TTN: variants seen among roughly 807,000 people sequenced by gnomAD.
TTN encodes the protein titin, also known as connectin.
A neutral mutation model predicts 3,223.0 loss-of-function variants in TTN; 1,525 were observed. The ratio of observed to expected loss-of-function variants is 0.47; its 90% CI spans 0.45 to 0.49. The LOEUF is 0.49. Among genes scored for constraint, TTN ranks in the 20% least tolerant of loss-of-function variants. The pLI is 0.00. For synonymous variants in TTN, 14,094 were observed against 15,161.0 expected (o/e 0.93, Z 5.17); for missense variants, 40,786 against 43,424.0 (o/e 0.94, Z 5.40).
In TTN at chr2:178,718,971, G is replaced by T. The variant is rs758548104; in HGVS notation, c.24229C>A (p.Pro8077Thr). ...ECSAVLTVQE[P>T]PSFEQTPDSV... ...TCAGGGGTTTGTTCAAAAGATGGTGGTTCTAGATATTGCAAGGCGGAAGGG... is the reference window on the plus strand; with the variant it reads ...TCAGGGGTTTGTTCAAAAGATGGTGTTTCTAGATATTGCAAGGCGGAAGGG... The change falls in exon 84 of 363, where the codon CCA becomes ACA. Residue 8077 changes from proline to threonine, a missense_variant and splice_region_variant. By Grantham distance (38) the Pro-to-Thr change is conservative. Coordinates refer to ENST00000589042, the MANE Select transcript of TTN (RefSeq NM_001267550.2). 1.3e-6 allele frequency: 2 copies of T among 1,596,014 alleles called. No individual in the cohort carries two copies. The highest frequency in any genetic ancestry group is 1.7e-6 in the Non-Finnish European group (2 of 1,171,026).
chr2:178,614,437 T>C, intron 261 of TTN, 29 bp downstream of exon 261: 2 of 1,584,602 alleles, frequency 1.3e-6, no homozygotes, highest in Admixed American at 3.9e-5. Context: ...AAAGAGTTTA[T>C]CCCCTTTTAA....
chr2:178,731,430 GTCAT>G lies in TTN; in HGVS notation c.17332_17335del (p.Met5778ProfsTer41). 1 of 1,613,712 alleles carries G rather than the reference GTCAT, an allele frequency of 6.2e-7. No individual in the cohort carries two copies. Among genetic ancestry groups the G allele is most frequent in the Non-Finnish European group, 8.5e-7 (1 of 1,179,784 alleles). Reference sequence around the variant, plus strand: ...CAAACTGGCCACATTGTTCTCAAAGGTCATTCTTATATTATCGTCTTCAGTGATT... The same window carrying G: ...CAAACTGGCCACATTGTTCTCAAAGGTCTTATATTATCGTCTTCAGTGATT... On this transcript the variant is annotated frameshift_variant, in exon 59 of 363. Coordinates refer to ENST00000589042, the MANE Select transcript of TTN (RefSeq NM_001267550.2). LOFTEE classifies it high-confidence loss of function.
chr2:178,647,298 A>T, intron 214 of TTN, 83 bp downstream of exon 214: 13 of 1,452,774 alleles, frequency 8.9e-6, no homozygotes, highest in Non-Finnish European at 1.2e-5. Context: ...ACAGACAGAC[A>T]AATACGTAAG....
rs773276464 is a variant in TTN, at chr2:178,741,151, C to G, written c.12082G>C (p.Val4028Leu). 7.4e-6 allele frequency: 12 copies of G among 1,613,504 alleles called. No homozygotes were observed. The highest frequency in any genetic ancestry group is 9.3e-6 in the Non-Finnish European group (11 of 1,179,832). Residue 4028 changes from valine (V) to leucine (L), a missense_variant, in exon 48 of 363, where the codon GTG becomes CTG. By Grantham distance (32) the Val-to-Leu change is conservative. Coordinates refer to ENST00000589042, the MANE Select transcript of TTN (RefSeq NM_001267550.2). ...GESTCAAELL[V>L]LLEDTDMTDT... ...GTCATGTCTGTGTCTTCCAGAAGCA[C>G]AAGCAGCTCTGCTGCACAGGTGGAC... is the stretch of plus-strand genomic sequence containing the variant.
At chr2:178,769,102 A>G (rs753363890) in intron 37 of TTN, among the ~76,000 whole-genome samples, 169 bp from the exon 38 acceptor site, 8 of 151,986 alleles carry the variant, frequency 5.3e-5, no homozygotes, top group Non-Finnish European at 1.2e-4. Context: ...GGACAGTGCC[A>G]ACTCACAGAG....
Position 178,758,738 on chromosome 2 carries a change from C to A in TTN, c.10303+246G>T. The stretch of plus-strand genomic sequence containing the variant: ...TAGGAAGCATGACAGCTGGTGACAG[C>A]AGCAATACATTACAAATTGTTACAG... On this transcript the variant is annotated intron_variant, in intron 44 of 362. Transcript: ENST00000589042. 7.5e-6 allele frequency: 4 copies of A among 534,574 alleles called. No individual in the cohort carries two copies. In the South Asian group the frequency reaches 8.2e-5, roughly 11 times the overall value. The allele number at this position is 534,574 out of a possible 1,614,324, so 33.1% of individuals were successfully genotyped here.
intron 20 of TTN, among the ~76,000 whole-genome samples, chr2:178,781,905 A>AGTGT (rs139001573): frequency 0.12 from 17,313 of 149,664 alleles, 1,443 homozygotes; most frequent in East Asian, 0.29. Flanking sequence ...CTTTTCTGGA[A>AGTGT]GTGTGTGTGT....
At chr2:178,751,252 C>A (rs755649008) in intron 47 of TTN, 1 of 1,608,200 alleles carries the variant, frequency 6.2e-7, no homozygotes, top group Non-Finnish European at 8.5e-7. Context: ...GAGATAATTT[C>A]TTTTTCTCCA....
Position 178,564,350 on chromosome 2 carries a change from C to G in TTN, c.81782G>C (p.Ser27261Thr), listed in dbSNP as rs1704859697. 1.2e-6 allele frequency: 2 copies of G among 1,613,590 alleles called. No individual in the cohort carries two copies. Among genetic ancestry groups the G allele is most frequent in the African/African-American group, 2.7e-5 (2 of 74,904 alleles). ...AGNFSEPSDSSGAITARDEID... is the reference protein window; with the variant it reads ...AGNFSEPSDSTGAITARDEID... ...TTCATCTCTTGCAGTAATGGCACCA[C>G]TACTATCAGATGGTTCACTAAAGTT... is the stretch of plus-strand genomic sequence containing the variant. The change falls in exon 326 of 363, where the codon AGT (serine) becomes ACT (threonine). Residue 27261 changes from serine to threonine, a missense_variant. Transcript: ENST00000589042.
At chr2:178,652,774 G>T (rs1489648443) in intron 200 of TTN, 38 bp from the exon 201 acceptor site, 1 of 1,606,100 alleles carries the variant, frequency 6.2e-7, no homozygotes, top group Non-Finnish European at 8.5e-7. Context: ...TAGGGGTTAT[G>T]AAGACCACTA....
intron 21 of TTN, among the ~76,000 whole-genome samples, chr2:178,780,652 A>G (rs138853986): frequency 2.0e-5 from 3 of 152,348 alleles, no homozygotes; most frequent in Non-Finnish European, 4.4e-5. Context: ...ATTTGTTTTC[A>G]AGTTATAAAC....
In TTN at chr2:178,729,308, C is replaced by T. The variant is rs1283369258; in HGVS notation, c.18848G>A (p.Ser6283Asn). ...VSNEGGSCSCSTRVALKEPPS... is the reference protein window; with the variant it reads ...VSNEGGSCSCNTRVALKEPPS... ...CTGACCTTTCAGGGCAACTCTAGTA[C>T]TGCATGAGCAGCTGCCGCCTTCATT... The change falls in exon 64 of 363, where the codon AGT (serine) becomes AAT (asparagine). Residue 6283 changes from serine (S) to asparagine (N), a missense_variant. By Grantham distance (46) the Ser-to-Asn change is conservative (BLOSUM62 1). Coordinates refer to ENST00000589042, the MANE Select transcript of TTN (RefSeq NM_001267550.2). 3 of 1,610,960 alleles carry T rather than the reference C, an allele frequency of 1.9e-6. No individual in the cohort carries two copies. The highest frequency in any genetic ancestry group is 2.5e-6 in the Non-Finnish European group (3 of 1,177,902).
At chr2:178,763,067 C>T (rs2089619053) in intron 43 of TTN, among the ~76,000 whole-genome samples, 1 of 152,120 alleles carries the variant, frequency 6.6e-6, no homozygotes, top group Non-Finnish European at 1.5e-5. Context: ...GCATAATAAA[C>T]AAAACAATAC....
chr2:178,731,637 A>T, intron 58 of TTN, 54 bp from the exon 59 acceptor site: 1 of 1,566,958 alleles, frequency 6.4e-7, no homozygotes. Flanking sequence ...AAAGTGGCTT[A>T]AAAAAAAGAA....
chr2:178,709,580 G>T lies in TTN; in HGVS notation c.28739C>A (p.Ser9580Ter), dbSNP rs375212459. 6.2e-7 allele frequency: 1 copy of T among 1,605,368 alleles called. No homozygotes were observed. The highest frequency in any genetic ancestry group is 8.5e-7 in the Non-Finnish European group (1 of 1,172,856). ...GGATAACTCACCTTTGATGACGATTGAAGACGTGCACAGAGCAGAGCCTGC... is the reference window on the plus strand; with the variant it reads ...GGATAACTCACCTTTGATGACGATTTAAGACGTGCACAGAGCAGAGCCTGC... ...NDAGSALCTS[S>*]IVIKEPKKPP... is the part of the protein sequence containing the mutation. Residue 9580 changes from serine (S) to a stop codon, truncating the protein, a stop_gained, in exon 99 of 363, where the codon TCA (serine) becomes TAA (stop). Coordinates refer to ENST00000589042, the MANE Select transcript of TTN (RefSeq NM_001267550.2). LOFTEE classifies it high-confidence loss of function.
chr2:178,745,529 A>T lies in TTN; in HGVS notation c.11312-3608T>A, dbSNP rs533857942. The T allele has an allele frequency of 4.4e-6, 7 of 1,602,558 alleles. No individual in the cohort carries two copies. In the African/African-American group the frequency reaches 8.0e-5, roughly 18 times the overall value. On this transcript the variant is annotated intron_variant, in intron 47 of 362. Transcript: ENST00000589042. ...TTATTAGATCCACATAATTTGGAAA[A>T]TATGAAAGCACTCAGATCAATGCTA...
chr2:178,749,991 C>T (rs727504522), intron 47 of TTN: 2 of 1,613,044 alleles, frequency 1.2e-6, no homozygotes, highest in Admixed American at 3.3e-5. Context: ...GTAACTTGAT[C>T]TTGAGGCATT....
Position 178,732,161 on chromosome 2 carries a change from A to C in TTN, c.16808T>G (p.Leu5603Arg), listed in dbSNP as rs956272919. The C allele has an allele frequency of 6.8e-6, 11 of 1,613,664 alleles. No individual in the cohort carries two copies. The highest frequency in any genetic ancestry group is 9.3e-6 in the Non-Finnish European group (11 of 1,179,744). The stretch of plus-strand genomic sequence containing the variant: ...ACTGTCTTCGATGCCAACATCTGTC[A>C]GTCTTAGAACTGCAGTAGACTCCAC... ...SFVESTAVLR[L>R]TDVGIEDSGE... Residue 5603 changes from leucine (L) to arginine (R), a missense_variant, in exon 57 of 363, where the codon CTG becomes CGG. Leu to Arg is a moderately radical substitution (Grantham distance 102). Transcript: ENST00000589042.
rs1461570315 is a variant in TTN at position 178,553,188 on chromosome 2, G to C, written c.89712C>G (p.Arg29904=). The change falls in exon 335 of 363, where the codon CGC becomes CGG. Residue 29904 remains arginine (R), a synonymous_variant. Transcript: ENST00000589042. ...SSLLTIPQVT[R]NDTGKYILTI... Reference sequence around the variant, plus strand: ...TGAGAATATATTTTCCTGTATCATTGCGAGTAACTTGAGGAATGGTGAGTA... The same window carrying C: ...TGAGAATATATTTTCCTGTATCATTCCGAGTAACTTGAGGAATGGTGAGTA... 3.1e-6 allele frequency: 5 copies of C among 1,613,830 alleles called. No individual in the cohort carries two copies. Among genetic ancestry groups the C allele is most frequent in the Non-Finnish European group, 4.2e-6 (5 of 1,179,788 alleles).
Sources: allele counts gnomAD v4.1 joint callset (sites outside exome capture counted in the v4.1 genomes callset), GRCh38; gene constraint gnomAD v4.1.1; transcripts MANE v1.5; gene names NCBI Gene and HGNC (gene_info 2026-07-23, HGNC 2026-07-21).